The following AGRN variants were observed in gnomAD, a reference collection of about 807,000 sequenced individuals.
The protein encoded by AGRN is agrin proteoglycan.
A neutral mutation model predicts 211.0 loss-of-function variants in AGRN; 106 were observed. The ratio of observed to expected loss-of-function variants is 0.50; its 90% CI spans 0.43 to 0.59. The LOEUF is 0.59. Among genes scored for constraint, AGRN ranks in the 20% least tolerant of loss-of-function variants. The pLI is 0.00. For missense variants in AGRN, 3,040 were observed against 2,982.6 expected (o/e 1.02, Z -0.45); for synonymous variants, 1,525 against 1,332.5 (o/e 1.14, Z -3.15).
In AGRN at chr1:1,051,576, T is replaced by G. The variant is rs1343948552; in HGVS notation, c.5494T>G (p.Cys1832Gly). ...CCACCCCTGCCTCAATGGGGCCTCC[T>G]GCGTCCCGAGGGAGGCTGCCTATGT... ...SGHPCLNGAS[C>G]VPREAAYVCL... The change falls in exon 32 of 36, where the codon TGC (cysteine) becomes GGC (glycine). Residue 1832 changes from cysteine (C) to glycine (G), a missense_variant. Around this residue, in one of 3 missense-constraint regions of AGRN, gnomAD observed 1,537 missense variants for 1,505.0 expected, o/e 1.02. Coordinates refer to ENST00000379370, the MANE Select transcript of AGRN (RefSeq NM_198576.4). 1 of 1,596,930 alleles carries G rather than the reference T, an allele frequency of 6.3e-7. No individual in the cohort carries two copies.
intron 2 of AGRN, 111 bp from the exon 3 acceptor site, chr1:1,035,166 C>T (rs530277061): frequency 3.3e-5 from 33 of 1,012,482 alleles, no homozygotes; most frequent in South Asian, 9.4e-5. Flanking sequence ...CTGGGGCTAG[C>T]GGTGGGGGGG....
Position 1,049,287 on chromosome 1 carries a change from G to A in AGRN, c.4350G>A (p.Glu1450=), listed in dbSNP as rs1171006771. 2 of 1,596,536 alleles carry A rather than the reference G, an allele frequency of 1.3e-6. No individual in the cohort carries two copies. Among genetic ancestry groups the A allele is most frequent in the Non-Finnish European group, 1.7e-6 (2 of 1,178,450 alleles). ...TGCTGACCAGTGCCGTGCCGGTAGA[G>A]CCGGGCCAGTGGCACCGCCTGGAGC... is the stretch of plus-strand genomic sequence containing the variant. ...PAVLTSAVPV[E]PGQWHRLELS... The change falls in exon 25 of 36, where the codon GAG becomes GAA. Residue 1450 remains glutamate (E), a synonymous_variant. Transcript: ENST00000379370.
chr1:1,043,100 G>A, intron 7 of AGRN, 139 bp from the exon 8 acceptor site: 1 of 936,570 alleles, frequency 1.1e-6, no homozygotes, highest in Admixed American at 2.1e-5. Flanking sequence ...CGTGTCTGCT[G>A]TGCATCTGGC....
rs991985582 is a variant in AGRN, at chr1:1,048,724, G to C, written c.4106-143G>C. The C allele has an allele frequency of 1.0e-5, 10 of 992,864 alleles. No individual in the cohort carries two copies. Among genetic ancestry groups the C allele is most frequent in the Non-Finnish European group, 2.9e-6 (2 of 701,700 alleles). 61.5% of individuals were successfully genotyped at this position (992,864 alleles called of 1,614,324 possible). ...GGAGGTTGCGGTGAGCCAGGATCGC[G>C]CCACTGCACTCCAGCCGGGGCAAAA... On this transcript the variant is annotated intron_variant, in intron 23 of 35. Coordinates refer to ENST00000379370, the MANE Select transcript of AGRN (RefSeq NM_198576.4). The surrounding 1 kb of genome is among the most constrained non-coding windows in gnomAD (Gnocchi z 5.9).
rs767639648 is a variant in AGRN, at chr1:1,046,116, T to C, written c.2805+28T>C. Reference sequence around the variant, plus strand: ...GAGGGGTGTGGGATGTGAAGGGGAGTGGGGAGGAGGCCTCGCCTTGAACAT... The same window carrying C: ...GAGGGGTGTGGGATGTGAAGGGGAGCGGGGAGGAGGCCTCGCCTTGAACAT... On this transcript the variant is annotated intron_variant, in intron 16 of 35. Coordinates refer to ENST00000379370, the MANE Select transcript of AGRN (RefSeq NM_198576.4). 3.2e-5 allele frequency: 51 copies of C among 1,613,456 alleles called. 1 individual carries two copies. The South Asian group carries it at 5.5e-4, about 17-fold the overall frequency.
chr1:1,036,544 A>G (rs1430635277), intron 3 of AGRN, among the ~76,000 whole-genome samples: 1 of 151,956 alleles, frequency 6.6e-6, no homozygotes, highest in Admixed American at 6.5e-5. Flanking sequence ...ACACTTGGCT[A>G]CTCAACTCCT....
At position 1,048,091 on chromosome 1, in the gene AGRN, G is replaced by A. The variant is rs1281476060; in HGVS notation, c.3831G>A (p.Ser1277=). Residue 1277 remains serine (S), a synonymous_variant, in exon 23 of 36, where the codon TCG becomes TCA. Coordinates refer to ENST00000379370, the MANE Select transcript of AGRN (RefSeq NM_198576.4). The surrounding 1 kb of genome is among the most constrained non-coding windows in gnomAD (Gnocchi z 5.9). The part of the protein sequence containing the change: ...AGATARATTA[S]RLPSSAVTPR... ...CCACGGCCAGAGCCACCACTGCATC[G>A]CGCCTGCCGTCCTCTGCTGTGACCC... 13 of 1,573,764 alleles carry A rather than the reference G, an allele frequency of 8.3e-6. No individual in the cohort carries two copies. The highest frequency in any genetic ancestry group is 7.0e-5 in the Admixed American group (4 of 57,008).
chr1:1,036,943 C>T (rs113178724), intron 3 of AGRN, among the ~76,000 whole-genome samples: 6,506 of 152,178 alleles, frequency 0.043, 407 homozygotes, highest in African/African-American at 0.14. Flanking sequence ...TTTGAGGGGA[C>T]ACGGGTTGCA....
rs1438514268 is a variant in AGRN at position 1,046,902 on chromosome 1, C to T, written c.3333C>T (p.Gly1111=). ...CTTCCTGCTACAACTCCGCGTTGGG[C>T]TGCTGCTCTGATGGGAAGACGCCCT... ...ERASCYNSAL[G]CCSDGKTPSL... The change falls in exon 19 of 36, where the codon GGC becomes GGT. Residue 1111 remains glycine, a synonymous_variant. Coordinates refer to ENST00000379370, the MANE Select transcript of AGRN (RefSeq NM_198576.4). The T allele has an allele frequency of 2.5e-6, 4 of 1,583,022 alleles. No individual in the cohort carries two copies. Among genetic ancestry groups the T allele is most frequent in the East Asian group, 2.3e-5 (1 of 43,720 alleles).
At position 1,045,167 on chromosome 1, in the gene AGRN, C is replaced by G; in HGVS notation, c.2261C>G (p.Thr754Ser). 6.2e-7 allele frequency: 1 copy of G among 1,612,264 alleles called. No individual in the cohort carries two copies. The highest frequency in any genetic ancestry group is 8.5e-7 in the Non-Finnish European group (1 of 1,179,960). ...VAAQGACRGP[T>S]FAPLPPVAPL... ...CCCGTACCCTTTCCTGCAGGCCCCACCTTCGCCCCGCTGCCGCCTGTGGCC... is the reference window on the plus strand; with the variant it reads ...CCCGTACCCTTTCCTGCAGGCCCCAGCTTCGCCCCGCTGCCGCCTGTGGCC... Residue 754 changes from threonine to serine, a missense_variant, in exon 13 of 36, where the codon ACC becomes AGC. Physicochemically the swap from Thr to Ser is moderately conservative, Grantham distance 58. Around this residue, in one of 3 missense-constraint regions of AGRN, gnomAD observed 1,498 missense variants for 1,457.8 expected, o/e 1.03. Coordinates refer to ENST00000379370, the MANE Select transcript of AGRN (RefSeq NM_198576.4).
chr1:1,050,542 C>T lies in AGRN; in HGVS notation c.5092C>T (p.Arg1698Cys), dbSNP rs771576402. The change falls in exon 29 of 36, where the codon CGC (arginine) becomes TGC (cysteine). Residue 1698 changes from arginine (R) to cysteine (C), a missense_variant. By Grantham distance (180) the Arg-to-Cys change is radical. Coordinates refer to ENST00000379370, the MANE Select transcript of AGRN (RefSeq NM_198576.4). ...CTTCGTGTCGCTGGCACTGCGGGAC[C>T]GCCGCCTGGAGTTCCGCTACGACCT... The part of the protein sequence containing the change: ...GDFVSLALRD[R>C]RLEFRYDLGK... 8.7e-6 allele frequency: 14 copies of T among 1,612,644 alleles called. No homozygotes were observed. Among genetic ancestry groups the T allele is most frequent in the East Asian group, 2.2e-5 (1 of 44,872 alleles).
At chr1:1,025,984 TGG>T (rs550001570) in intron 2 of AGRN, among the ~76,000 whole-genome samples, 2 of 150,480 alleles carry the variant, frequency 1.3e-5, no homozygotes, top group African/African-American at 4.9e-5. Flanking sequence ...TGCCTTGGCC[TGG>T]GGGGGGGCTT....
At chr1:1,045,656 T>A (rs1645070444) in intron 14 of AGRN, 77 bp from the exon 15 acceptor site, 1 of 1,610,650 alleles carries the variant, frequency 6.2e-7, no homozygotes, top group Non-Finnish European at 8.5e-7. Flanking sequence ...GAGCCAGGGT[T>A]GGGGACCAGG....
At chr1:1,041,096 G>A in intron 4 of AGRN, 77 bp from the exon 5 acceptor site, 2 of 912,888 alleles carry the variant, frequency 2.2e-6, no homozygotes, top group Non-Finnish European at 2.9e-6. Flanking sequence ...GAGGGGCCTG[G>A]GGGGCGGAGC....
In AGRN at chr1:1,053,761, C is replaced by A; in HGVS notation, c.5660C>A (p.Ala1887Glu). Reference protein sequence around the residue: ...YLNAVTESEKALQSNHFELSL... With the variant: ...YLNAVTESEKELQSNHFELSL... ...TGCCCTCTGCCCTCCAGCGAGAAGG[C>A]ACTGCAGAGCAACCACTTTGAACTG... is the stretch of plus-strand genomic sequence containing the variant. The change falls in exon 34 of 36, where the codon GCA becomes GAA. Residue 1887 changes from alanine to glutamate, a missense_variant. By Grantham distance (107) the Ala-to-Glu change is moderately radical. Around this residue, in one of 3 missense-constraint regions of AGRN, gnomAD observed 1,537 missense variants for 1,505.0 expected, o/e 1.02. Coordinates refer to ENST00000379370, the MANE Select transcript of AGRN (RefSeq NM_198576.4). 1 of 1,604,092 alleles carries A rather than the reference C, an allele frequency of 6.2e-7. No homozygotes were observed.
chr1:1,046,722 G>A lies in AGRN; in HGVS notation c.3237G>A (p.Gly1079=). ...EELSGDQEAS[G]GGSGGLEPLE... ...TGAGCGGGGACCAGGAGGCCAGTGG[G>A]GGTGGCTCTGGGGGTGAGCAGGGAT... is the stretch of plus-strand genomic sequence containing the variant. The change falls in exon 18 of 36, where the codon GGG becomes GGA. Residue 1079 remains glycine, a synonymous_variant. Transcript: ENST00000379370. 6.3e-7 allele frequency: 1 copy of A among 1,579,906 alleles called. No homozygotes were observed. Among genetic ancestry groups the A allele is most frequent in the Non-Finnish European group, 8.6e-7 (1 of 1,168,644 alleles).
intron 3 of AGRN, among the ~76,000 whole-genome samples, chr1:1,039,431 C>T (rs1644877209): frequency 6.6e-6 from 1 of 151,394 alleles, no homozygotes; most frequent in Admixed American, 6.6e-5. Flanking sequence ...TCCTCCTGCC[C>T]CATTTCACGA....
chr1:1,046,071 G>C lies in AGRN; in HGVS notation c.2788G>C (p.Glu930Gln). 6.2e-7 allele frequency: 1 copy of C among 1,614,042 alleles called. No homozygotes were observed. Among genetic ancestry groups the C allele is most frequent in the South Asian group, 1.1e-5 (1 of 91,092 alleles). ...HCVCPMLTCP[E>Q]ANATKVCGSD... ...TGTCTGCCCGATGCTCACCTGTCCA[G>C]AGGCCAACGCTACCAAGGTGAGGGG... Residue 930 changes from glutamate to glutamine, a missense_variant, in exon 16 of 36, where the codon GAG becomes CAG. Physicochemically the swap from Glu to Gln is conservative, Grantham distance 29. Around this residue, in one of 3 missense-constraint regions of AGRN, gnomAD observed 1,498 missense variants for 1,457.8 expected, o/e 1.03. Coordinates refer to ENST00000379370, the MANE Select transcript of AGRN (RefSeq NM_198576.4).
At chr1:1,054,689 C>CTA in intron 35 of AGRN, 135 bp from the exon 36 acceptor site, 2 of 1,481,452 alleles carry the variant, frequency 1.4e-6, no homozygotes, top group Non-Finnish European at 9.1e-7. Context: ...CCCGCTGTAG[C>CTA]CCCTGCAGTT....
Sources: gnomAD v4.1 joint callset for allele counts (sites outside exome capture counted in the v4.1 genomes callset) on GRCh38, gnomAD v4.1.1 for gene constraint, gnomAD v4.1.1 regional missense constraint, Gnocchi (gnomAD v3.1) non-coding constraint, MANE v1.5 for transcripts, NCBI Gene and HGNC (gene_info 2026-07-23, HGNC 2026-07-21) for gene names.